Variants in UBOX5 observed in about 807,000 individuals in gnomAD.
UBOX5 encodes the protein U-box domain containing 5.
A neutral mutation model predicts 39.0 loss-of-function variants in UBOX5; 28 were observed. The observed-to-expected ratio is 0.72, with a 90% CI of 0.53 to 0.98. UBOX5 has a LOEUF of 0.98. Ranked by LOEUF, UBOX5 falls within the 50% of genes least tolerant of loss-of-function variation. UBOX5 has a pLI of 0.00. For missense variants in UBOX5, 585 were observed against 674.4 expected (o/e 0.87, Z 1.47); for synonymous variants, 283 against 275.5 (o/e 1.03, Z -0.27).
At chr20:3,159,416 G>C (rs529740313) in intron 1 of UBOX5, among the ~76,000 whole-genome samples, 1 of 152,176 alleles carries the variant, frequency 6.6e-6, no homozygotes, top group Non-Finnish European at 1.5e-5. Context: ...GCGATTCGCA[G>C]GCACATCAAA....
At chr20:3,154,680 T>A (rs1020373654) in intron 1 of UBOX5, among the ~76,000 whole-genome samples, 1 of 151,942 alleles carries the variant, frequency 6.6e-6, no homozygotes, top group Non-Finnish European at 1.5e-5. Flanking sequence ...TCTCAAAAAA[T>A]AAATAAATAA....
intron 1 of UBOX5, among the ~76,000 whole-genome samples, chr20:3,158,285 T>G (rs2066709992): frequency 6.6e-6 from 1 of 151,792 alleles, no homozygotes. Flanking sequence ...AATTATTTTA[T>G]ATCAAAGTTG....
chr20:3,118,195 G>A lies in UBOX5; in HGVS notation c.1256-2729C>T, dbSNP rs141813477. On this transcript the variant is annotated intron_variant, in intron 3 of 4. Transcript: ENST00000217173. ...AACAAAAAGAAACCATTAACAGGCC[G>A]GGCACTATCGCTCATGCCTGTAATC... Among the ~76,000 whole-genome samples the A allele has an allele frequency of 3.2e-4, 48 of 151,082 alleles. No individual in the cohort carries two copies. In the East Asian group the frequency reaches 7.7e-3, roughly 24 times the overall value.
chr20:3,131,388 C>A (rs554900713), intron 1 of UBOX5, among the ~76,000 whole-genome samples: 3 of 152,192 alleles, frequency 2.0e-5, no homozygotes, highest in South Asian at 2.1e-4. Flanking sequence ...TATTATTTAT[C>A]TTATCTGACA....
At chr20:3,130,117 C>T (rs1010583653) in intron 1 of UBOX5, among the ~76,000 whole-genome samples, 191 of 152,026 alleles carry the variant, frequency 1.3e-3, no homozygotes, top group African/African-American at 4.1e-3. Flanking sequence ...TCCGTAGTCC[C>T]AGCTACTCAG....
chr20:3,120,733 G>A (rs773098764), intron 3 of UBOX5, among the ~76,000 whole-genome samples: 17 of 151,992 alleles, frequency 1.1e-4, no homozygotes, highest in Admixed American at 2.6e-4. Context: ...AACACAAAGA[G>A]AATATTGCAA....
intron 1 of UBOX5, among the ~76,000 whole-genome samples, chr20:3,155,572 G>A (rs2066675612): frequency 6.6e-6 from 1 of 151,874 alleles, no homozygotes; most frequent in Non-Finnish European, 1.5e-5. Context: ...ATTATTTAGT[G>A]TTACAAGCTC....
chr20:3,158,564 C>G (rs1282893716), intron 1 of UBOX5, among the ~76,000 whole-genome samples: 2 of 152,316 alleles, frequency 1.3e-5, no homozygotes, highest in Admixed American at 1.3e-4. Flanking sequence ...CACTCCGCCT[C>G]CCGGGGTTCA....
chr20:3,139,032 C>T (rs1195931420), intron 1 of UBOX5, among the ~76,000 whole-genome samples: 1 of 152,158 alleles, frequency 6.6e-6, no homozygotes, highest in Non-Finnish European at 1.5e-5. Context: ...AAAAGCATTT[C>T]ACCTCAAAGA....
At chr20:3,115,807 GAGA>G (rs1390336941) in intron 3 of UBOX5, among the ~76,000 whole-genome samples, 4 of 131,038 alleles carry the variant, frequency 3.1e-5, no homozygotes, top group Non-Finnish European at 6.1e-5. Context: ...CGCCCAGGCT[GAGA>G]AGGAGTGCAG....
At chr20:3,117,287 GCACACACACACACACA>G (rs11468015) in intron 3 of UBOX5, among the ~76,000 whole-genome samples, 4 of 147,512 alleles carry the variant, frequency 2.7e-5, no homozygotes, top group East Asian at 4.0e-4. Flanking sequence ...ACCAAAGATG[GCACACACACACACACA>G]CACACACACA....
intron 1 of UBOX5, chr20:3,146,557 A>C (rs1418236198): frequency 1.9e-6 from 1 of 517,916 alleles, no homozygotes; most frequent in Non-Finnish European, 3.4e-6. Context: ...TTTATTATTT[A>C]CTAAGAGTAA....
intron 1 of UBOX5, among the ~76,000 whole-genome samples, chr20:3,129,043 A>G (rs1207016585): frequency 6.6e-6 from 1 of 152,180 alleles, no homozygotes; most frequent in Non-Finnish European, 1.5e-5. Flanking sequence ...GAAGCGAGTC[A>G]GCCTTCTGTT....
chr20:3,133,272 A>G (rs920525125), intron 1 of UBOX5, among the ~76,000 whole-genome samples: 1 of 152,176 alleles, frequency 6.6e-6, no homozygotes, highest in Non-Finnish European at 1.5e-5. Flanking sequence ...CTTAACAGAA[A>G]AAAAATAATG....
At chr20:3,133,185 C>A (rs1268101922) in intron 1 of UBOX5, among the ~76,000 whole-genome samples, 1 of 152,142 alleles carries the variant, frequency 6.6e-6, no homozygotes, top group Non-Finnish European at 1.5e-5. Context: ...TGGTTGCTAT[C>A]AAAGTCTTTA....
intron 3 of UBOX5, among the ~76,000 whole-genome samples, chr20:3,120,625 G>A (rs866892193): frequency 6.9e-6 from 1 of 145,706 alleles, no homozygotes. Context: ...CAGCCTGGGC[G>A]ACACAGCGAG....
chr20:3,110,591 C>A, intron 4 of UBOX5: 2 of 475,430 alleles, frequency 4.2e-6, no homozygotes, highest in South Asian at 4.5e-5. Flanking sequence ...CTGGGCCCTT[C>A]CTCCTGGTCT....
chr20:3,122,587 A>G lies in UBOX5; in HGVS notation c.55-3T>C. 1.3e-6 allele frequency: 2 copies of G among 1,553,588 alleles called. No homozygotes were observed. Among genetic ancestry groups the G allele is most frequent in the East Asian group, 2.3e-5 (1 of 44,252 alleles). ...ACTTCGTAACCATCAGCTGATATCT[A>G]GATTTAATAAAAAACACAAGATACA... On this transcript the variant is annotated splice_region_variant and splice_polypyrimidine_tract_variant and intron_variant, in intron 2 of 4. Transcript: ENST00000217173.
chr20:3,120,942 A>G (rs2148593627), intron 3 of UBOX5, among the ~76,000 whole-genome samples: 1 of 152,262 alleles, frequency 6.6e-6, no homozygotes, highest in African/African-American at 2.4e-5. Flanking sequence ...CACCCAGAGG[A>G]GCCCACTGTC....
Sources: gnomAD v4.1 joint callset for allele counts (sites outside exome capture counted in the v4.1 genomes callset) on GRCh38, gnomAD v4.1.1 for gene constraint, MANE v1.5 for transcripts, NCBI Gene and HGNC (gene_info 2026-07-23, HGNC 2026-07-21) for gene names.